MID2: variants seen among roughly 807,000 people sequenced by gnomAD.
MID2 encodes probable E3 ubiquitin-protein ligase MID2.
In MID2, 13 loss-of-function variants were observed where a neutral mutation model predicts 46.1. The ratio of observed to expected loss-of-function variants is 0.28; its 90% CI spans 0.18 to 0.45. The LOEUF (loss-of-function observed/expected upper bound fraction) is 0.45. MID2 is among the 20% of genes least tolerant of loss of function. The pLI, the probability that MID2 is intolerant of heterozygous loss-of-function variation, is 1.00. For synonymous variants in MID2, 199 were observed against 212.3 expected, an observed-to-expected ratio of 0.94 and a Z score of 0.55; for missense variants, 431 against 575.4, an observed-to-expected ratio of 0.75 and a Z score of 2.57.
chrX:107,874,168 T>C (rs1195616861), intron 3 of MID2, among the ~76,000 whole-genome samples: 1 of 111,932 alleles, frequency 8.9e-6, no homozygotes, highest in East Asian at 2.8e-4. Flanking sequence ...CATAGGTCTG[T>C]ACTACTAGCT....
At chrX:107,890,423 C>T (rs1460217188) in intron 3 of MID2, among the ~76,000 whole-genome samples, 1 of 112,077 alleles carries the variant, frequency 8.9e-6, no homozygotes. Flanking sequence ...GCAGAGGCTG[C>T]AGAACAGTGG....
At chrX:107,853,112 A>G (rs182441041) in intron 2 of MID2, among the ~76,000 whole-genome samples, 31 of 111,246 alleles carry the variant, frequency 2.8e-4, no homozygotes, top group African/African-American at 1.0e-3. Flanking sequence ...TGATTAATCT[A>G]GAGTGAAATG....
At chrX:107,856,373 T>G (rs868171261) in intron 3 of MID2, among the ~76,000 whole-genome samples, 1 of 112,066 alleles carries the variant, frequency 8.9e-6, no homozygotes, top group Non-Finnish European at 1.9e-5. Flanking sequence ...ATTTGCATGA[T>G]TGAATATAGA....
chrX:107,843,142 T>C (rs2147827144), intron 2 of MID2, among the ~76,000 whole-genome samples: 1 of 111,302 alleles, frequency 9.0e-6, no homozygotes, highest in East Asian at 2.8e-4. Flanking sequence ...AGGAGCGGGG[T>C]TATAGGAAGA....
At chrX:107,885,021 A>C (rs767062702) in intron 3 of MID2, among the ~76,000 whole-genome samples, 1 of 112,136 alleles carries the variant, frequency 8.9e-6, no homozygotes, top group Admixed American at 9.5e-5. Context: ...ACAATGTATT[A>C]AGATGGCCAG....
At chrX:107,829,101 A>C (rs970922756) in intron 1 of MID2, among the ~76,000 whole-genome samples, 6 of 111,024 alleles carry the variant, frequency 5.4e-5, no homozygotes, top group Non-Finnish European at 7.6e-5. Context: ...CTGGTCTCAA[A>C]CTCCTGAGCT....
intron 5 of MID2, among the ~76,000 whole-genome samples, chrX:107,911,844 C>A (rs746735625): frequency 7.2e-5 from 8 of 111,705 alleles, no homozygotes; most frequent in Non-Finnish European, 1.3e-4. Flanking sequence ...TGGATGAAAT[C>A]CTCCAATCTC....
At chrX:107,910,449 C>T (rs1397298480) in intron 5 of MID2, among the ~76,000 whole-genome samples, 2 of 111,445 alleles carry the variant, frequency 1.8e-5, no homozygotes, top group Non-Finnish European at 3.8e-5. Context: ...CTGAATAATG[C>T]TTCAGTGAAC....
At chrX:107,839,823 T>G (rs1931294785) in intron 1 of MID2, among the ~76,000 whole-genome samples, 1 of 112,638 alleles carries the variant, frequency 8.9e-6, no homozygotes, top group Non-Finnish European at 1.9e-5. Flanking sequence ...GCTTCATAGC[T>G]GGCTTGTGCT....
intron 2 of MID2, among the ~76,000 whole-genome samples, chrX:107,854,297 G>A (rs922528030): frequency 4.5e-5 from 5 of 111,966 alleles, no homozygotes; most frequent in African/African-American, 1.6e-4. Context: ...CTATGAGGGC[G>A]AAATGAGATA....
In MID2 at chrX:107,840,905, G is replaced by A. The variant is rs1174031526; in HGVS notation, c.240G>A (p.Arg80=). The change falls in exon 2 of 10, where the codon AGG becomes AGA. Residue 80 remains arginine, a synonymous_variant. Coordinates refer to ENST00000262843, the MANE Select transcript of MID2 (RefSeq NM_012216.4). ...CTGCTTTCCAGTGTCCTACCTGCAG[G>A]TATGTTATCTCGCTGAACCACCGGG... is the stretch of plus-strand genomic sequence containing the variant. ...PITAFQCPTC[R]YVISLNHRGL... 8.3e-7 allele frequency: 1 copy of A among 1,211,315 alleles called. No individual in the cohort carries two copies.
intron 2 of MID2, among the ~76,000 whole-genome samples, chrX:107,852,348 G>A (rs1218842675): frequency 2.7e-5 from 3 of 111,965 alleles, no homozygotes; most frequent in Non-Finnish European, 5.6e-5. Flanking sequence ...GAACAGAGTA[G>A]GTGTTCAATA....
intron 3 of MID2, among the ~76,000 whole-genome samples, chrX:107,902,764 T>G (rs1303207447): frequency 9.0e-6 from 1 of 111,348 alleles, no homozygotes; most frequent in Non-Finnish European, 1.9e-5. Context: ...AGCCCTACCT[T>G]GCTAATGAAG....
chrX:107,926,386 C>A, intron 9 of MID2, 85 bp downstream of exon 9: 1 of 857,312 alleles, frequency 1.2e-6, no homozygotes, highest in Non-Finnish European at 1.7e-6. Context: ...AACCATAATA[C>A]CAATAAGTCA....
chrX:107,891,135 C>G (rs192608075), intron 3 of MID2, among the ~76,000 whole-genome samples: 316 of 110,648 alleles, frequency 2.9e-3, no homozygotes, highest in African/African-American at 9.8e-3. Context: ...CACCCTCTTT[C>G]TGAGACTCCC....
intron 2 of MID2, among the ~76,000 whole-genome samples, chrX:107,843,998 A>G (rs940670701): frequency 9.1e-6 from 1 of 110,396 alleles, no homozygotes. Flanking sequence ...CTTCCCCTGT[A>G]TCTAGGAGGT....
intron 1 of MID2, among the ~76,000 whole-genome samples, chrX:107,839,369 T>G (rs1241826391): frequency 9.5e-6 from 1 of 104,731 alleles, no homozygotes; most frequent in African/African-American, 3.8e-5. Context: ...TTTTTTTGTT[T>G]GTTTTGTTTG....
intron 3 of MID2, among the ~76,000 whole-genome samples, chrX:107,858,321 T>A (rs1402513180): frequency 8.9e-6 from 1 of 112,113 alleles, no homozygotes; most frequent in Non-Finnish European, 1.9e-5. Context: ...AACCACTTGA[T>A]CTCTATATAT....
At chrX:107,904,729 C>A (rs768361603) in intron 4 of MID2, among the ~76,000 whole-genome samples, 4 of 112,030 alleles carry the variant, frequency 3.6e-5, no homozygotes, top group Non-Finnish European at 7.5e-5. Context: ...TCAGTGAAGA[C>A]ATTCAGGTTT....
Sources: gnomAD v4.1 joint callset for allele counts (sites outside exome capture counted in the v4.1 genomes callset) on GRCh38, gnomAD v4.1.1 for gene constraint, MANE v1.5 for transcripts, NCBI Gene and HGNC (gene_info 2026-07-23, HGNC 2026-07-21) for gene names.